Variants in RAPGEF1 observed in about 807,000 individuals in gnomAD.
RAPGEF1 encodes CRK SH3-binding GNRP.
A neutral mutation model predicts 143.3 loss-of-function variants in RAPGEF1; 33 were observed. The ratio of observed to expected loss-of-function variants is 0.23; its 90% CI spans 0.17 to 0.31. The LOEUF is 0.31. RAPGEF1 is among the 10% of genes least tolerant of loss of function. The pLI, the probability that RAPGEF1 is intolerant of heterozygous loss-of-function variation, is 1.00. For synonymous variants in RAPGEF1, 629 were observed against 676.5 expected (o/e 0.93, Z 1.09); for missense variants, 1,199 against 1,645.4 (o/e 0.73, Z 4.69).
At chr9:131,638,285 T>C (rs932030201) in intron 5 of RAPGEF1, among the ~76,000 whole-genome samples, 4 of 152,214 alleles carry the variant, frequency 2.6e-5, no homozygotes, top group African/African-American at 9.6e-5. Context: ...CATGAAAAGG[T>C]AGTGCTGATA....
intron 1 of RAPGEF1, among the ~76,000 whole-genome samples, chr9:131,666,871 G>A (rs190219695): frequency 6.6e-6 from 1 of 152,316 alleles, no homozygotes; most frequent in Non-Finnish European, 1.5e-5. Context: ...CACAGCCTGG[G>A]CCCTCACCTC....
At chr9:131,682,188 C>G (rs900363016) in intron 1 of RAPGEF1, among the ~76,000 whole-genome samples, 3 of 152,180 alleles carry the variant, frequency 2.0e-5, no homozygotes, top group African/African-American at 4.8e-5. Flanking sequence ...ATAAGCGAGT[C>G]AGGCTGCCAG....
intron 1 of RAPGEF1, among the ~76,000 whole-genome samples, chr9:131,673,845 C>T (rs910724088): frequency 2.0e-5 from 3 of 152,200 alleles, no homozygotes; most frequent in Non-Finnish European, 4.4e-5. Flanking sequence ...ATGTACTCAT[C>T]GTGGCCTCTG....
Position 131,731,139 on chromosome 9 carries a change from CTG to C in RAPGEF1, c.61+8629_61+8630del, listed in dbSNP as rs535373131. Among the ~76,000 whole-genome samples the C allele has an allele frequency of 5.1e-3, 782 of 152,324 alleles. 13 individuals are homozygous for C. The highest frequency in any genetic ancestry group is 4.9e-3 in the Non-Finnish European group (331 of 68,026). ...CTCTTTCAGGTCTCAAAGAAAAGCT[CTG>C]TGTCTTAGTCTCCTCCTCTGTAGGA... On this transcript the variant is annotated intron_variant, in intron 1 of 26. Coordinates refer to ENST00000683357, the MANE Select transcript of RAPGEF1 (RefSeq NM_001377935.1).
chr9:131,701,534 T>G (rs1834645575), intron 1 of RAPGEF1, among the ~76,000 whole-genome samples: 1 of 152,246 alleles, frequency 6.6e-6, no homozygotes, highest in African/African-American at 2.4e-5. Context: ...GGCATTATTG[T>G]AATACTGTAT....
chr9:131,619,092 T>TA lies in RAPGEF1; in HGVS notation c.2019dup (p.Asn674Ter). The TA allele has an allele frequency of 7.4e-7, 1 of 1,356,262 alleles. No individual in the cohort carries two copies. The highest frequency in any genetic ancestry group is 9.8e-7 in the Non-Finnish European group (1 of 1,017,588). 84.0% of individuals were successfully genotyped at this position (1,356,262 alleles called of 1,614,324 possible). ...CTGCCGTGCCGGCTGAGAAAGGAGT[T>TA]AGAGACGGACACACTGAGGCCCTGA... On this transcript the variant is annotated frameshift_variant, in exon 12 of 27. Transcript: ENST00000683357. LOFTEE classifies it high-confidence loss of function.
intron 12 of RAPGEF1, among the ~76,000 whole-genome samples, chr9:131,608,547 TAGCAAGGAGAA>T (rs771739791): frequency 2.7e-4 from 41 of 152,210 alleles, no homozygotes; most frequent in Non-Finnish European, 4.7e-4. Context: ...AGGGGGCAGC[TAGCAAGGAGAA>T]AGCAAGGAGA....
chr9:131,626,140 T>C lies in RAPGEF1; in HGVS notation c.1484A>G (p.Tyr495Cys). 1 of 1,613,766 alleles carries C rather than the reference T, an allele frequency of 6.2e-7. No individual in the cohort carries two copies. The highest frequency in any genetic ancestry group is 8.5e-7 in the Non-Finnish European group (1 of 1,179,854). Residue 495 changes from tyrosine to cysteine, a missense_variant, in exon 10 of 27, where the codon TAC becomes TGC. Physicochemically the swap from Tyr to Cys is radical, Grantham distance 194. Transcript: ENST00000683357. ...GTCATACTGCGAGGGATGCCGCTCG[T>C]AGGACACCCTGCAGCCAGAGCCGTC... ...TADGSGCRVS[Y>C]ERHPSQYDNI...
chr9:131,669,641 T>A (rs1564665964), intron 1 of RAPGEF1, among the ~76,000 whole-genome samples: 1 of 152,042 alleles, frequency 6.6e-6, no homozygotes, highest in African/African-American at 2.4e-5. Context: ...CTCCTCCTCA[T>A]GTTCTGACAT....
chr9:131,586,740 A>C (rs1293614207), intron 22 of RAPGEF1, among the ~76,000 whole-genome samples: 1 of 123,358 alleles, frequency 8.1e-6, no homozygotes, highest in African/African-American at 3.4e-5. Context: ...TCACACACAC[A>C]CCTGCAGAGC....
intron 1 of RAPGEF1, among the ~76,000 whole-genome samples, chr9:131,658,975 A>G (rs1369358631): frequency 2.0e-5 from 3 of 152,194 alleles, no homozygotes; most frequent in African/African-American, 7.2e-5. Context: ...GTCTCTAAAC[A>G]TCAACCACAC....
intron 1 of RAPGEF1, among the ~76,000 whole-genome samples, chr9:131,684,275 C>T (rs1259732251): frequency 6.6e-6 from 1 of 152,234 alleles, no homozygotes; most frequent in Admixed American, 6.5e-5. Flanking sequence ...CCTTTTCTCA[C>T]TTTGTCTGGG....
intron 1 of RAPGEF1, among the ~76,000 whole-genome samples, chr9:131,682,818 A>G (rs1446221401): frequency 6.6e-6 from 1 of 152,260 alleles, no homozygotes; most frequent in African/African-American, 2.4e-5. Context: ...AAGGTTTGGT[A>G]GATACAGGAG....
rs750260342 is a variant in RAPGEF1 at position 131,638,752 on chromosome 9, G to A, written c.534C>T (p.Ser178=). The part of the protein sequence containing the change: ...LSSCYSRVYQ[S]LANLIRWSDQ... ...CAGACCAGCGAATGAGGTTGGCGAG[G>A]CTTTGGTACACTCGGCTATAGCAGG... The change falls in exon 5 of 27, where the codon AGC becomes AGT. Residue 178 remains serine, a synonymous_variant. Transcript: ENST00000683357. 3 of 1,613,984 alleles carry A rather than the reference G, an allele frequency of 1.9e-6. No homozygotes were observed. In the Admixed American group the frequency reaches 5.0e-5, roughly 27 times the overall value.
At chr9:131,715,583 G>A (rs1360975478) in intron 1 of RAPGEF1, among the ~76,000 whole-genome samples, 1 of 152,084 alleles carries the variant, frequency 6.6e-6, no homozygotes. Flanking sequence ...AGAATGGCCG[G>A]GCACGGTGGC....
At position 131,721,888 on chromosome 9, in the gene RAPGEF1, T is replaced by C. The variant is rs76404617; in HGVS notation, c.61+17882A>G. Reference sequence around the variant, plus strand: ...GGATGCATAGGTTATCTGCAAGTACTATGCCATTTTGCATCAGGGACTTGA... The same window carrying C: ...GGATGCATAGGTTATCTGCAAGTACCATGCCATTTTGCATCAGGGACTTGA... On this transcript the variant is annotated intron_variant, in intron 1 of 26. Transcript: ENST00000683357. Among the ~76,000 whole-genome samples, 788 of 152,322 alleles carry C rather than the reference T, an allele frequency of 5.2e-3. 24 individuals are homozygous for C. The highest frequency in any genetic ancestry group is 0.041 in the East Asian group (215 of 5,194).
intron 1 of RAPGEF1, among the ~76,000 whole-genome samples, chr9:131,719,263 G>GT (rs1016056305): frequency 2.6e-5 from 4 of 152,292 alleles, no homozygotes; most frequent in Non-Finnish European, 5.9e-5. Flanking sequence ...TCACCAAAGA[G>GT]TTTTCTTCCC....
At chr9:131,678,444 AC>A (rs1659975880) in intron 1 of RAPGEF1, among the ~76,000 whole-genome samples, 1 of 152,260 alleles carries the variant, frequency 6.6e-6, no homozygotes, top group Admixed American at 6.5e-5. Context: ...TTTTCACTCT[AC>A]AAAAAATCAA....
At chr9:131,726,229 G>C (rs958834364) in intron 1 of RAPGEF1, among the ~76,000 whole-genome samples, 18 of 152,182 alleles carry the variant, frequency 1.2e-4, no homozygotes, top group Non-Finnish European at 2.6e-4. Context: ...AGGACAACTT[G>C]ACGAGTCTCA....
Sources: gnomAD v4.1 joint callset for allele counts (sites outside exome capture counted in the v4.1 genomes callset) on GRCh38, gnomAD v4.1.1 for gene constraint, MANE v1.5 for transcripts, NCBI Gene and HGNC (gene_info 2026-07-23, HGNC 2026-07-21) for gene names.